The following TYW1 variants were observed in gnomAD, a reference collection of about 807,000 sequenced individuals.
TYW1 encodes the protein tRNA-yW synthesizing protein 1 homolog, also known as S-adenosyl-L-methionine-dependent tRNA 4-demethylwyosine synthase TYW1.
TYW1 carries 46 observed loss-of-function variants against 96.2 expected under a neutral mutation model. That is an observed-to-expected ratio of 0.48 (90% CI 0.38 to 0.61). TYW1 has a LOEUF of 0.61. TYW1 is among the 20% of genes least tolerant of loss of function. The probability of loss-of-function intolerance (pLI) is 0.00; values close to 1 mark genes in which losing one functional copy is unlikely to be tolerated. For missense variants in TYW1, 684 were observed against 909.6 expected (o/e 0.75, Z 3.19); for synonymous variants, 274 against 323.0 (o/e 0.85, Z 1.63).
chr7:67,076,564 C>T (rs1320815843), intron 10 of TYW1, among the ~76,000 whole-genome samples: 1 of 152,038 alleles, frequency 6.6e-6, no homozygotes, highest in African/African-American at 2.4e-5. Flanking sequence ...CAATCTCTGC[C>T]TCCCAGGTTC....
chr7:67,028,420 G>C (rs1476307841), intron 7 of TYW1, among the ~76,000 whole-genome samples: 12 of 152,170 alleles, frequency 7.9e-5, no homozygotes, highest in African/African-American at 2.4e-4. Flanking sequence ...GGTGGCGCAT[G>C]CCTGTAATTC....
rs202072910 is a variant in TYW1 at position 67,196,672 on chromosome 7, C to CT, written c.1977+1341dup. ...CCTTCTCTCCCTCTAGTCCATTGAT[C>CT]TTTTTTATAATACAAGGCATCTTTC... On this transcript the variant is annotated intron_variant, in intron 15 of 15. Coordinates refer to ENST00000359626, the MANE Select transcript of TYW1 (RefSeq NM_018264.4). Among the ~76,000 whole-genome samples the CT allele has an allele frequency of 5.3e-3, 799 of 151,572 alleles. 5 individuals are homozygous for CT. The highest frequency in any genetic ancestry group is 0.019 in the African/African-American group (765 of 41,106).
chr7:67,061,928 A>G (rs1795708474), intron 9 of TYW1, among the ~76,000 whole-genome samples: 1 of 152,220 alleles, frequency 6.6e-6, no homozygotes, highest in African/African-American at 2.4e-5. Context: ...ATCGTCATTA[A>G]TTACTTAATT....
In TYW1 at chr7:67,050,046, G is replaced by T. The variant is rs137999897; in HGVS notation, c.1082G>T (p.Arg361Leu). 1 of 1,613,688 alleles carries T rather than the reference G, an allele frequency of 6.2e-7. No homozygotes were observed. Among genetic ancestry groups the T allele is most frequent in the Non-Finnish European group, 8.5e-7 (1 of 1,179,880 alleles). Residue 361 changes from arginine to leucine, a missense_variant, in exon 8 of 16, where the codon CGA (arginine) becomes CTA (leucine). Coordinates refer to ENST00000359626, the MANE Select transcript of TYW1 (RefSeq NM_018264.4). The stretch of plus-strand genomic sequence containing the variant: ...AGAGCTATGATAACTCCTGCTCTCC[G>T]AGAAGCCCTTACTAAACAAGGTGAA... ...ERRAMITPAL[R>L]EALTKQGYQL...
intron 14 of TYW1, among the ~76,000 whole-genome samples, chr7:67,191,507 G>C (rs1464374180): frequency 6.6e-6 from 1 of 150,586 alleles, no homozygotes; most frequent in African/African-American, 2.5e-5. Context: ...TCTTTATTCA[G>C]AGTTTTGGTG....
intron 15 of TYW1, among the ~76,000 whole-genome samples, chr7:67,216,853 T>G (rs978764429): frequency 2.0e-5 from 3 of 151,854 alleles, no homozygotes; most frequent in Non-Finnish European, 4.4e-5. Flanking sequence ...TTTAGTAGTA[T>G]TTTTTAATCT....
At chr7:67,069,275 A>T (rs577367885) in intron 10 of TYW1, among the ~76,000 whole-genome samples, 56 of 152,270 alleles carry the variant, frequency 3.7e-4, no homozygotes, top group African/African-American at 1.3e-3. Flanking sequence ...ATATTATTTG[A>T]CTCAATAGCA....
chr7:67,117,887 G>A (rs1797642776), intron 13 of TYW1, among the ~76,000 whole-genome samples: 1 of 152,092 alleles, frequency 6.6e-6, no homozygotes, highest in South Asian at 2.1e-4. Flanking sequence ...TTCATTTAAG[G>A]AGAGAGGTAT....
chr7:67,169,446 G>T (rs1041020114), intron 13 of TYW1, among the ~76,000 whole-genome samples: 8 of 152,034 alleles, frequency 5.3e-5, no homozygotes, highest in African/African-American at 1.4e-4. Flanking sequence ...TGTTCCCCAG[G>T]CTGGAGTGCA....
At position 67,089,346 on chromosome 7, in the gene TYW1, C is replaced by G. The variant is rs2687000; in HGVS notation, c.1384+5807C>G. The G allele has an allele frequency of 3.4e-4, 427 of 1,252,954 alleles. 2 individuals carry two copies. Among genetic ancestry groups the G allele is most frequent in the Non-Finnish European group, 3.9e-4 (340 of 861,960 alleles). The allele number at this position is 1,252,954 out of a possible 1,614,324, so 77.6% of individuals were successfully genotyped here. On this transcript the variant is annotated intron_variant, in intron 11 of 15. Transcript: ENST00000359626. ...GAGGGCCCTTCTCGAGGTGGCGGCC[C>G]TGTCCATTCCCAAGGCTTAGGTATC...
intron 13 of TYW1, among the ~76,000 whole-genome samples, chr7:67,172,372 G>A (rs141648667): frequency 0.032 from 4,892 of 150,886 alleles, 242 homozygotes; most frequent in African/African-American, 0.11. Context: ...CTTTTATGCT[G>A]TTTTTGTTGT....
intron 2 of TYW1, 123 bp downstream of exon 2, chr7:66,998,318 C>G: frequency 7.8e-7 from 1 of 1,286,894 alleles, no homozygotes; most frequent in South Asian, 1.8e-5. Context: ...AATGAAATGC[C>G]TAAAATAAAT....
At chr7:67,222,866 C>CTTTTTTTTTTTTTTTT (rs570972265) in intron 15 of TYW1, among the ~76,000 whole-genome samples, 2 of 109,628 alleles carry the variant, frequency 1.8e-5, no homozygotes, top group Non-Finnish European at 3.7e-5. Context: ...CGCTTTTTTT[C>CTTTTTTTTTTTTTTTT]TTTTTTTTTT....
chr7:67,225,190 C>CAAAAA (rs10600752), intron 15 of TYW1, among the ~76,000 whole-genome samples: 3 of 78,060 alleles, frequency 3.8e-5, no homozygotes, highest in Non-Finnish European at 5.3e-5. Context: ...GACTCCGTCT[C>CAAAAA]AAAAAAAAAA....
At chr7:67,114,719 A>T (rs1401959549) in intron 12 of TYW1, among the ~76,000 whole-genome samples, 1 of 152,240 alleles carries the variant, frequency 6.6e-6, no homozygotes, top group African/African-American at 2.4e-5. Flanking sequence ...ATAGAGACAG[A>T]TAACTGACTC....
chr7:67,209,101 A>G (rs575993127), intron 15 of TYW1, among the ~76,000 whole-genome samples: 1 of 152,334 alleles, frequency 6.6e-6, no homozygotes, highest in South Asian at 2.1e-4. Context: ...CAAAGACCGC[A>G]ATTACTTTTG....
At chr7:67,230,757 A>G (rs1361748919) in intron 15 of TYW1, among the ~76,000 whole-genome samples, 6 of 149,260 alleles carry the variant, frequency 4.0e-5, no homozygotes, top group African/African-American at 7.5e-5. Context: ...GGTTCAACCA[A>G]TTCTCCTGCT....
intron 11 of TYW1, among the ~76,000 whole-genome samples, chr7:67,094,647 TTAGAGTGTG>T (rs1796832706): frequency 9.0e-6 from 1 of 111,318 alleles, no homozygotes. Flanking sequence ...AGAGAGAGAA[TTAGAGTGTG>T]TGTGTGTGTG....
intron 6 of TYW1, among the ~76,000 whole-genome samples, chr7:67,020,013 G>A (rs1157986017): frequency 6.6e-6 from 1 of 152,246 alleles, no homozygotes; most frequent in Non-Finnish European, 1.5e-5. Flanking sequence ...TTTCATTTCA[G>A]TCCAAGCTAT....
Sources: allele counts gnomAD v4.1 joint callset (sites outside exome capture counted in the v4.1 genomes callset), GRCh38; gene constraint gnomAD v4.1.1; transcripts MANE v1.5; gene names NCBI Gene and HGNC (gene_info 2026-07-23, HGNC 2026-07-21).